The following CHCHD3 variants were observed in gnomAD, a reference collection of about 807,000 sequenced individuals.
CHCHD3 encodes MICOS complex subunit MIC19.
In CHCHD3, 20 loss-of-function variants were observed where a neutral mutation model predicts 38.2. That is an observed-to-expected ratio of 0.52 (90% CI 0.37 to 0.76). CHCHD3 has a LOEUF of 0.76. Ranked by LOEUF, CHCHD3 falls within the 30% of genes least tolerant of loss-of-function variation. CHCHD3 has a pLI of 0.00. For missense variants in CHCHD3, 245 were observed against 279.2 expected, an observed-to-expected ratio of 0.88 and a Z score of 0.87; for synonymous variants, 82 against 100.0, an observed-to-expected ratio of 0.82 and a Z score of 1.07.
intron 3 of CHCHD3, among the ~76,000 whole-genome samples, chr7:132,997,654 G>C (rs1812455338): frequency 8.5e-6 from 1 of 117,394 alleles, no homozygotes; most frequent in Admixed American, 9.1e-5. Flanking sequence ...TAACTAACAG[G>C]GTTGTAAAAA....
In CHCHD3 at chr7:132,859,280, A is replaced by C. The variant is rs188402061; in HGVS notation, c.454-20811T>G. On this transcript the variant is annotated intron_variant, in intron 5 of 7. Coordinates refer to ENST00000262570, the MANE Select transcript of CHCHD3 (RefSeq NM_017812.4). ...TTTTACTTAGTGTAAGGGGGATGAG[A>C]TTTAAGCCCATTTTAATTACAAACA... Among the ~76,000 whole-genome samples, 395 of 152,286 alleles carry C rather than the reference A, an allele frequency of 2.6e-3. 4 individuals are homozygous for C. Among genetic ancestry groups the C allele is most frequent in the African/African-American group, 9.0e-3 (376 of 41,568 alleles).
chr7:132,887,979 G>T (rs545286476), intron 4 of CHCHD3, among the ~76,000 whole-genome samples: 1 of 151,670 alleles, frequency 6.6e-6, no homozygotes, highest in African/African-American at 2.4e-5. Context: ...TCATTATAGG[G>T]TTGTTTAAAC....
At chr7:132,818,729 T>A (rs929231573) in intron 6 of CHCHD3, among the ~76,000 whole-genome samples, 2 of 152,220 alleles carry the variant, frequency 1.3e-5, no homozygotes, top group African/African-American at 4.8e-5. Context: ...ATTTTTAATA[T>A]CAATAACTTT....
At chr7:133,021,979 C>T (rs1450834101) in intron 3 of CHCHD3, among the ~76,000 whole-genome samples, 1 of 151,726 alleles carries the variant, frequency 6.6e-6, no homozygotes, top group Non-Finnish European at 1.5e-5. Context: ...CCCAGCTACT[C>T]GGGAGGCTGA....
intron 3 of CHCHD3, among the ~76,000 whole-genome samples, chr7:133,002,529 G>C (rs1447632867): frequency 6.6e-6 from 1 of 151,664 alleles, no homozygotes; most frequent in East Asian, 1.9e-4. Context: ...AATTTTATTT[G>C]TAGTTCGTAA....
chr7:132,815,713 T>G (rs1034787850), intron 6 of CHCHD3: 1 of 340,744 alleles, frequency 2.9e-6, no homozygotes. Context: ...TCGTCCTTCT[T>G]TTTTCCTTCT....
chr7:132,820,815 A>G (rs984066118), intron 6 of CHCHD3, among the ~76,000 whole-genome samples: 2 of 152,074 alleles, frequency 1.3e-5, no homozygotes, highest in African/African-American at 4.8e-5. Context: ...TTTGTTCAGT[A>G]TACACTACCA....
chr7:133,041,319 T>A (rs1276242255), intron 2 of CHCHD3, among the ~76,000 whole-genome samples: 1 of 152,184 alleles, frequency 6.6e-6, no homozygotes, highest in Non-Finnish European at 1.5e-5. Flanking sequence ...AACACTCAAA[T>A]TTCAAATAAC....
chr7:132,916,795 G>A (rs1408026408), intron 4 of CHCHD3, among the ~76,000 whole-genome samples: 3 of 152,066 alleles, frequency 2.0e-5, no homozygotes, highest in African/African-American at 4.8e-5. Context: ...GCCCAGGCTG[G>A]TCTCAAATTT....
At chr7:133,015,910 G>C (rs1448652457) in intron 3 of CHCHD3, among the ~76,000 whole-genome samples, 1 of 148,066 alleles carries the variant, frequency 6.8e-6, no homozygotes, top group East Asian at 2.0e-4. Flanking sequence ...GATGAAGTAG[G>C]CACATCTTTT....
intron 5 of CHCHD3, among the ~76,000 whole-genome samples, chr7:132,866,956 C>T (rs1414666873): frequency 6.6e-6 from 1 of 152,188 alleles, no homozygotes; most frequent in Non-Finnish European, 1.5e-5. Context: ...TCCCTGCTCA[C>T]GTAGCATCTA....
intron 1 of CHCHD3, among the ~76,000 whole-genome samples, chr7:133,073,581 C>A (rs1814891709): frequency 6.6e-6 from 1 of 152,098 alleles, no homozygotes; most frequent in Non-Finnish European, 1.5e-5. Context: ...CACCCAGCTT[C>A]CTAAATTCAA....
intron 5 of CHCHD3, chr7:132,845,266 CA>C (rs1360687632): frequency 6.6e-6 from 1 of 152,058 alleles, no homozygotes; most frequent in Non-Finnish European, 1.5e-5. Context: ...TTTGTAGCAC[CA>C]GGGACTTAGG....
intron 3 of CHCHD3, among the ~76,000 whole-genome samples, chr7:132,996,805 T>C (rs1460714296): frequency 6.6e-6 from 1 of 152,092 alleles, no homozygotes; most frequent in Non-Finnish European, 1.5e-5. Context: ...GAGCAGCCTT[T>C]CAAGAAGAAA....
intron 3 of CHCHD3, among the ~76,000 whole-genome samples, chr7:132,993,891 C>T (rs906180395): frequency 1.3e-5 from 2 of 152,098 alleles, no homozygotes; most frequent in Admixed American, 1.3e-4. Flanking sequence ...CAACTAGTGG[C>T]GAGACTGAAA....
At chr7:132,918,968 C>T (rs1810188408) in intron 4 of CHCHD3, among the ~76,000 whole-genome samples, 1 of 152,050 alleles carries the variant, frequency 6.6e-6, no homozygotes, top group East Asian at 1.9e-4. Context: ...CACTGCAAAG[C>T]AAGTCTTATG....
At position 132,823,018 on chromosome 7, in the gene CHCHD3, C is replaced by T. The variant is rs146612507; in HGVS notation, c.524+15381G>A. On this transcript the variant is annotated intron_variant, in intron 6 of 7. Coordinates refer to ENST00000262570, the MANE Select transcript of CHCHD3 (RefSeq NM_017812.4). Reference sequence around the variant, plus strand: ...TCCATAATAAATATAAGTTAAAATACGTATGGTATAGTCTTACACTCTGTG... The same window carrying T: ...TCCATAATAAATATAAGTTAAAATATGTATGGTATAGTCTTACACTCTGTG... Among the ~76,000 whole-genome samples the T allele has an allele frequency of 2.9e-3, 442 of 152,174 alleles. 1 individual carries two copies. Among genetic ancestry groups the T allele is most frequent in the African/African-American group, 0.01 (421 of 41,522 alleles).
At chr7:133,056,337 T>A (rs1814332246) in intron 2 of CHCHD3, among the ~76,000 whole-genome samples, 1 of 152,086 alleles carries the variant, frequency 6.6e-6, no homozygotes, top group African/African-American at 2.4e-5. Flanking sequence ...AATGCACCCA[T>A]CATCGCACAT....
chr7:132,892,475 G>A (rs1199753752), intron 4 of CHCHD3, among the ~76,000 whole-genome samples: 3 of 152,150 alleles, frequency 2.0e-5, no homozygotes, highest in African/African-American at 4.8e-5. Flanking sequence ...TGACCATGTG[G>A]TAGAAAAGAA....
Sources: gnomAD v4.1 joint callset for allele counts (sites outside exome capture counted in the v4.1 genomes callset) on GRCh38, gnomAD v4.1.1 for gene constraint, MANE v1.5 for transcripts, NCBI Gene and HGNC (gene_info 2026-07-23, HGNC 2026-07-21) for gene names.